The following INVS variants were observed in gnomAD, a reference collection of about 807,000 sequenced individuals.
The protein encoded by INVS is inversion of embryo turning homolog.
A neutral mutation model predicts 108.8 loss-of-function variants in INVS; 86 were observed. That is an observed-to-expected ratio of 0.79 (90% CI 0.66 to 0.95). The LOEUF (loss-of-function observed/expected upper bound fraction) is 0.95, where lower values mean the gene tolerates loss of function less well. INVS is among the 40% of genes least tolerant of loss of function. The pLI, the probability that INVS is intolerant of heterozygous loss-of-function variation, is 0.00. For missense variants in INVS, 1,169 were observed against 1,297.4 expected (o/e 0.90, Z 1.52); for synonymous variants, 455 against 473.5 (o/e 0.96, Z 0.51).
intron 3 of INVS, among the ~76,000 whole-genome samples, chr9:100,179,409 GACAC>G (rs1276521603): frequency 6.6e-6 from 1 of 151,392 alleles, no homozygotes; most frequent in Middle Eastern, 3.4e-3. Flanking sequence ...CACGTGCAAA[GACAC>G]ACACAGGCTG....
intron 3 of INVS, chr9:100,175,614 C>T (rs1028097578): frequency 4.4e-6 from 3 of 681,872 alleles, no homozygotes; most frequent in African/African-American, 1.8e-5. Flanking sequence ...AAACAGCTGC[C>T]CAAAGAATAG....
At chr9:100,259,551 T>G (rs1157229308) in intron 10 of INVS, among the ~76,000 whole-genome samples, 1 of 136,974 alleles carries the variant, frequency 7.3e-6, no homozygotes, top group African/African-American at 2.8e-5. Context: ...ATCTTGGAAC[T>G]GGGGCCTTTT....
chr9:100,253,059 G>A lies in INVS; in HGVS notation c.1387G>A (p.Ala463Thr), dbSNP rs770018625. Reference protein sequence around the residue: ...DYAGRTPLQCAAYGGYINCMA... With the variant: ...DYAGRTPLQCTAYGGYINCMA... ...TGCAGGAAGAACCCCTTTGCAGTGT[G>A]CAGCATATGGAGGCTATATCAACTG... The change falls in exon 10 of 17, where the codon GCA becomes ACA. Residue 463 changes from alanine (A) to threonine (T), a missense_variant. This residue lies in a region of INVS where 271 missense variants were observed against 363.8 expected (regional missense o/e 0.74). Coordinates refer to ENST00000262457, the MANE Select transcript of INVS (RefSeq NM_014425.5). The A allele has an allele frequency of 1.1e-5, 17 of 1,613,876 alleles. No individual in the cohort carries two copies. Among genetic ancestry groups the A allele is most frequent in the Non-Finnish European group, 1.4e-5 (17 of 1,179,920 alleles).
chr9:100,273,683 G>A (rs111701259), intron 12 of INVS, among the ~76,000 whole-genome samples: 4 of 151,334 alleles, frequency 2.6e-5, no homozygotes, highest in Non-Finnish European at 4.4e-5. Context: ...GACTACAGGC[G>A]CGCGCCACCA....
chr9:100,292,420 T>A lies in INVS; in HGVS notation c.2163T>A (p.Ser721=). 1 of 1,614,132 alleles carries A rather than the reference T, an allele frequency of 6.2e-7. No homozygotes were observed. Among genetic ancestry groups the A allele is most frequent in the Admixed American group, 1.7e-5 (1 of 60,018 alleles). The change falls in exon 14 of 17, where the codon TCT becomes TCA. Residue 721 remains serine (S), a synonymous_variant. Coordinates refer to ENST00000262457, the MANE Select transcript of INVS (RefSeq NM_014425.5). ...GAAGCAGGCATCCAGGAGTTCCCTCTGTTGAGAAGTCCAGAGGTGAGACAG... is the reference window on the plus strand; with the variant it reads ...GAAGCAGGCATCCAGGAGTTCCCTCAGTTGAGAAGTCCAGAGGTGAGACAG... The part of the protein sequence containing the change: ...SDGSRHPGVP[S]VEKSRGETAG...
At chr9:100,241,707 T>G (rs1831879589) in intron 6 of INVS, among the ~76,000 whole-genome samples, 1 of 152,232 alleles carries the variant, frequency 6.6e-6, no homozygotes, top group Non-Finnish European at 1.5e-5. Context: ...TAATCCCACA[T>G]TTGTGTTATG....
Position 100,240,197 on chromosome 9 carries a change from T to C in INVS, c.753T>C (p.Tyr251=). 6.2e-7 allele frequency: 1 copy of C among 1,614,070 alleles called. No homozygotes were observed. Among genetic ancestry groups the C allele is most frequent in the Non-Finnish European group, 8.5e-7 (1 of 1,179,972 alleles). Residue 251 remains tyrosine, a synonymous_variant, in exon 6 of 17, where the codon TAT becomes TAC. Transcript: ENST00000262457. ...ATGAAAGCTGCAATATAACGTCTTA[T>C]GATAACTTATTTCGAACCCCACTGC... ...TSYESCNITS[Y]DNLFRTPLHW... is the part of the protein sequence containing the mutation.
chr9:100,252,613 G>T (rs1362591280), intron 9 of INVS, among the ~76,000 whole-genome samples, 175 bp downstream of exon 9: 4 of 152,192 alleles, frequency 2.6e-5, no homozygotes, highest in African/African-American at 9.7e-5. Flanking sequence ...CACTTGTTGG[G>T]AGTTGCTTGA....
chr9:100,227,213 T>C (rs536814508), intron 4 of INVS, among the ~76,000 whole-genome samples: 1 of 152,258 alleles, frequency 6.6e-6, no homozygotes, highest in East Asian at 1.9e-4. Flanking sequence ...TAGTAAGTGC[T>C]ATTATACTTG....
intron 3 of INVS, among the ~76,000 whole-genome samples, chr9:100,205,687 TTAATTA>T (rs1264486499): frequency 2.0e-5 from 3 of 151,780 alleles, no homozygotes; most frequent in Non-Finnish European, 4.4e-5. Context: ...ATAATTATAA[TTAATTA>T]TAATTATAAA....
chr9:100,213,636 G>A (rs545936526), intron 3 of INVS, among the ~76,000 whole-genome samples: 24 of 152,218 alleles, frequency 1.6e-4, no homozygotes, highest in African/African-American at 5.3e-4. Flanking sequence ...ACGAGACTCC[G>A]CAGTCAGAGA....
At chr9:100,251,012 C>T (rs1187695697) in intron 8 of INVS, among the ~76,000 whole-genome samples, 2 of 152,100 alleles carry the variant, frequency 1.3e-5, no homozygotes, top group African/African-American at 4.8e-5. Context: ...CTGTCTTTTT[C>T]ATGGTTCAGG....
intron 3 of INVS, among the ~76,000 whole-genome samples, chr9:100,224,970 A>G (rs1260850737): frequency 6.6e-6 from 1 of 151,608 alleles, no homozygotes; most frequent in Non-Finnish European, 1.5e-5. Flanking sequence ...ACTGACTTGG[A>G]GAGTACTGCC....
At chr9:100,175,859 T>G (rs1038771026) in intron 3 of INVS, 34 of 643,932 alleles carry the variant, frequency 5.3e-5, no homozygotes, top group Non-Finnish European at 8.0e-5. Context: ...CAATCCCTTC[T>G]ATAGCTGTGG....
At chr9:100,200,832 C>T (rs1237041284) in intron 3 of INVS, among the ~76,000 whole-genome samples, 1 of 152,134 alleles carries the variant, frequency 6.6e-6, no homozygotes, top group Non-Finnish European at 1.5e-5. Context: ...CTCTTTTATT[C>T]CATCATTTTA....
intron 13 of INVS, among the ~76,000 whole-genome samples, chr9:100,290,434 C>T (rs1833576748): frequency 6.6e-6 from 1 of 151,922 alleles, no homozygotes; most frequent in East Asian, 1.9e-4. Context: ...ACCGCAACCT[C>T]TGCCTCCCAG....
chr9:100,289,341 C>T (rs1393623485), intron 13 of INVS, among the ~76,000 whole-genome samples: 2 of 152,256 alleles, frequency 1.3e-5, no homozygotes, highest in African/African-American at 4.8e-5. Flanking sequence ...GCCTTCCCAG[C>T]TTCTGCTCAC....
At chr9:100,142,524 T>G (rs1288900272) in intron 3 of INVS, among the ~76,000 whole-genome samples, 4 of 152,060 alleles carry the variant, frequency 2.6e-5, no homozygotes, top group Non-Finnish European at 4.4e-5. Context: ...ATCAGAGAGA[T>G]ACAGTCATGA....
chr9:100,153,237 C>A (rs1275583004), intron 3 of INVS, among the ~76,000 whole-genome samples: 2 of 146,804 alleles, frequency 1.4e-5, no homozygotes, highest in Non-Finnish European at 3.0e-5. Flanking sequence ...AGACTTTTTC[C>A]TTCCAGAAAA....
Sources: allele counts gnomAD v4.1 joint callset (sites outside exome capture counted in the v4.1 genomes callset), GRCh38; gene constraint gnomAD v4.1.1; regional missense constraint gnomAD v4.1.1; transcripts MANE v1.5; gene names NCBI Gene and HGNC (gene_info 2026-07-23, HGNC 2026-07-21).